The following NOP56 variants were observed in gnomAD, a reference collection of about 807,000 sequenced individuals.
NOP56 encodes the protein NOP56 ribonucleoprotein.
In NOP56, 31 loss-of-function variants were observed where a neutral mutation model predicts 58.3. The ratio of observed to expected loss-of-function variants is 0.53; its 90% CI spans 0.40 to 0.72. NOP56 has a LOEUF of 0.72. Ranked by LOEUF, NOP56 falls within the 30% of genes least tolerant of loss-of-function variation. The pLI, the probability that NOP56 is intolerant of heterozygous loss-of-function variation, is 0.00. For synonymous variants in NOP56, 313 were observed against 282.8 expected, an observed-to-expected ratio of 1.11 and a Z score of -1.07; for missense variants, 669 against 739.9, an observed-to-expected ratio of 0.90 and a Z score of 1.11.
chr20:2,653,011 C>T lies in NOP56; in HGVS notation c.93+80C>T, dbSNP rs917934291. ...TCCCAGCATGCACAGCGCGCTCCCA[C>T]GTGGCCGGCCGAGCGGTTCGGGGCG... On this transcript the variant is annotated intron_variant, in intron 2 of 11. Transcript: ENST00000329276. The T allele has an allele frequency of 8.4e-6, 11 of 1,312,182 alleles. No individual in the cohort carries two copies. The African/African-American group carries it at 1.6e-4, about 19-fold the overall frequency. 81.3% of individuals were successfully genotyped at this position (1,312,182 alleles called of 1,614,324 possible).
rs1246040015 is a variant in NOP56 at position 2,656,404 on chromosome 20, C to T, written c.1014C>T (p.Ala338=). 2.5e-6 allele frequency: 4 copies of T among 1,614,060 alleles called. No individual in the cohort carries two copies. The highest frequency in any genetic ancestry group is 1.1e-5 in the South Asian group (1 of 91,082). The change falls in exon 9 of 12, where the codon GCC becomes GCT. Residue 338 remains alanine (A), a synonymous_variant. Coordinates refer to ENST00000329276, the MANE Select transcript of NOP56 (RefSeq NM_006392.4). ...TCTCCACTGAATATTCTCTCAGAGC[C>T]CTGAAGACAAGGGGTAACACTCCAA... is the stretch of plus-strand genomic sequence containing the variant. ...ILGAEKALFR[A]LKTRGNTPKY... is the part of the protein sequence containing the mutation.
chr20:2,653,463 A>G, intron 3 of NOP56, 70 bp downstream of exon 3: 1 of 1,316,944 alleles, frequency 7.6e-7, no homozygotes, highest in Non-Finnish European at 1.1e-6. Context: ...GCAGCTTGTG[A>G]TAGTATTTGC....
At chr20:2,654,699 G>C in intron 4 of NOP56, 50 bp from the exon 5 acceptor site, 1 of 1,609,540 alleles carries the variant, frequency 6.2e-7, no homozygotes, top group Non-Finnish European at 8.5e-7. Context: ...CCGTGGGTGC[G>C]GGAGCTAGCT....
chr20:2,658,243 G>A lies in NOP56; in HGVS notation c.1734G>A (p.Lys578=), dbSNP rs780689291. Reference sequence around the variant, plus strand: ...GTGGGCCTGAAGAGGCGGTTGGCAAGAGCAGCTCCAAGAAGAAGAAAAAGT... The same window carrying A: ...GTGGGCCTGAAGAGGCGGTTGGCAAAAGCAGCTCCAAGAAGAAGAAAAAGT... ...VSSGPEEAVG[K]SSSKKKKKFH... The change falls in exon 12 of 12, where the codon AAG becomes AAA. Residue 578 remains lysine (K), a synonymous_variant. Transcript: ENST00000329276. 6.3e-7 allele frequency: 1 copy of A among 1,599,056 alleles called. No homozygotes were observed. Among genetic ancestry groups the A allele is most frequent in the South Asian group, 1.1e-5 (1 of 89,300 alleles).
At chr20:2,652,685 C>CGGGGCGCG (rs762886867) in intron 1 of NOP56, 22 bp downstream of exon 1, 20 of 692,390 alleles carry the variant, frequency 2.9e-5, no homozygotes, top group Non-Finnish European at 3.4e-5. Flanking sequence ...TTGCGGGGCG[C>CGGGGCGCG]GGGCGACGCG....
rs1354487476 is a variant in NOP56 at position 2,657,215 on chromosome 20, T to G, written c.1416T>G (p.Cys472Trp). 1 of 1,614,018 alleles carries G rather than the reference T, an allele frequency of 6.2e-7. No individual in the cohort carries two copies. Among genetic ancestry groups the G allele is most frequent in the Non-Finnish European group, 8.5e-7 (1 of 1,180,050 alleles). Residue 472 changes from cysteine to tryptophan, a missense_variant, in exon 11 of 12, where the codon TGT becomes TGG. Transcript: ENST00000329276. Reference sequence around the variant, plus strand: ...ACAGCAGTAGTACTCCAGAGGAGTGTGAGGTCAGTAGGCAGCACGGCCCTG... The same window carrying G: ...ACAGCAGTAGTACTCCAGAGGAGTGGGAGGTCAGTAGGCAGCACGGCCCTG... Reference protein sequence around the residue: ...SENSSSTPEECEEMSEKPKKK... With the variant: ...SENSSSTPEEWEEMSEKPKKK...
chr20:2,658,044 T>C lies in NOP56; in HGVS notation c.1535T>C (p.Phe512Ser). 6.2e-7 allele frequency: 1 copy of C among 1,613,536 alleles called. No individual in the cohort carries two copies. The change falls in exon 12 of 12, where the codon TTT (phenylalanine) becomes TCT (serine). Residue 512 changes from phenylalanine (F) to serine (S), a missense_variant. Coordinates refer to ENST00000329276, the MANE Select transcript of NOP56 (RefSeq NM_006392.4). The part of the protein sequence containing the change: ...SFSKPKKKKS[F>S]SKEELMSSDL... ...TCCAAACCCAAGAAAAAGAAATCTT[T>C]TTCCAAGGAGGAGTTGATGAGTAGC... is the stretch of plus-strand genomic sequence containing the variant.
In NOP56 at chr20:2,652,755, C is replaced by CCA. The variant is rs1227435395; in HGVS notation, c.4-87_4-86insCA. 4 of 511,202 alleles carry CCA rather than the reference C, an allele frequency of 7.8e-6. No individual in the cohort carries two copies. In the East Asian group the frequency reaches 2.1e-4, roughly 27 times the overall value. 31.7% of individuals were successfully genotyped at this position (511,202 alleles called of 1,614,324 possible). On this transcript the variant is annotated intron_variant, in intron 1 of 11. Transcript: ENST00000329276. Reference sequence around the variant, plus strand: ...ACAGGGCCTGGGCCTGGGCCTGGGCCTGCGCCTGCGCCTGCGCCTGCCCTG... The same window carrying CCA: ...ACAGGGCCTGGGCCTGGGCCTGGGCCCATGCGCCTGCGCCTGCGCCTGCCCTG...
intron 11 of NOP56, 130 bp downstream of exon 11, chr20:2,657,348 C>A: frequency 7.9e-7 from 1 of 1,264,264 alleles, no homozygotes; most frequent in Non-Finnish European, 1.1e-6. Flanking sequence ...CCTGAAACAT[C>A]TAAAACTACC....
In NOP56 at chr20:2,655,524, G is replaced by A. The variant is rs555055085; in HGVS notation, c.757+12G>A. 2.5e-5 allele frequency: 40 copies of A among 1,614,114 alleles called. No individual in the cohort carries two copies. In the South Asian group the frequency reaches 3.8e-4, roughly 16 times the overall value. Reference sequence around the variant, plus strand: ...ACGGTCCTCCATGGGTCAGTGCAGAGCCTGGCAACCTGCATAAGGTATGGG... The same window carrying A: ...ACGGTCCTCCATGGGTCAGTGCAGAACCTGGCAACCTGCATAAGGTATGGG... On this transcript the variant is annotated intron_variant, in intron 6 of 11. Coordinates refer to ENST00000329276, the MANE Select transcript of NOP56 (RefSeq NM_006392.4).
Position 2,655,755 on chromosome 20 carries a change from C to CG in NOP56, c.909+9_909+10insG, listed in dbSNP as rs1332357690. On this transcript the variant is annotated intron_variant, in intron 7 of 11. Coordinates refer to ENST00000329276, the MANE Select transcript of NOP56 (RefSeq NM_006392.4). ...CCCTAATTGGGGAAGCGGTGCGTCA[C>CG]AGGGGACTCAAAAATGGGAGAATAA... The CG allele has an allele frequency of 2.5e-6, 4 of 1,614,046 alleles. No individual in the cohort carries two copies. Among genetic ancestry groups the CG allele is most frequent in the Admixed American group, 3.3e-5 (2 of 60,002 alleles).
intron 11 of NOP56, chr20:2,657,508 T>A: frequency 1.6e-6 from 1 of 630,112 alleles, no homozygotes; most frequent in Non-Finnish European, 3.0e-6. Flanking sequence ...ATTCCTGCTC[T>A]GCTTATTATC....
intron 1 of NOP56, 24 bp from the exon 2 acceptor site, chr20:2,652,818 C>T (rs749680939): frequency 6.2e-7 from 1 of 1,603,094 alleles, no homozygotes; most frequent in Non-Finnish European, 8.5e-7. Context: ...TGCGTTGACG[C>T]TCGCGCCCCG....
rs191271763 is a variant in NOP56 at position 2,655,560 on chromosome 20, G to T, written c.758-35G>T. ...TGCATAAGGTATGGGGCTCTAAATAGCTGGCCTCTTGCATTCACACTTGGT... is the reference window on the plus strand; with the variant it reads ...TGCATAAGGTATGGGGCTCTAAATATCTGGCCTCTTGCATTCACACTTGGT... On this transcript the variant is annotated intron_variant, in intron 6 of 11. Coordinates refer to ENST00000329276, the MANE Select transcript of NOP56 (RefSeq NM_006392.4). 321 of 1,614,158 alleles carry T rather than the reference G, an allele frequency of 2.0e-4. 2 individuals carry two copies. The African/African-American group carries it at 3.7e-3, about 19-fold the overall frequency.
In NOP56 at chr20:2,653,268, T is replaced by C; in HGVS notation, c.94-11T>C. 6.2e-7 allele frequency: 1 copy of C among 1,606,702 alleles called. No homozygotes were observed. Among genetic ancestry groups the C allele is most frequent in the Non-Finnish European group, 8.5e-7 (1 of 1,173,320 alleles). On this transcript the variant is annotated splice_polypyrimidine_tract_variant and intron_variant, in intron 2 of 11. Transcript: ENST00000329276. ...AGGGAAGGAAACCACTTAGCCTCTT[T>C]CTCCCCCCAGGTGGAGGAGTCTGTG...
At chr20:2,657,305 T>C in intron 11 of NOP56, 87 bp downstream of exon 11, 1 of 1,584,750 alleles carries the variant, frequency 6.3e-7, no homozygotes, top group Non-Finnish European at 8.7e-7. Flanking sequence ...CAAGCTGTGG[T>C]CTTGAGTCCA....
chr20:2,652,758 C>CCTGGGCCTGGGCCTGGGCCTGGGCCTGG (rs55762518), intron 1 of NOP56, 84 bp from the exon 2 acceptor site: 3 of 1,195,970 alleles, frequency 2.5e-6, no homozygotes, highest in Non-Finnish European at 3.5e-6. Context: ...CCTGGGCCTG[C>CCTGGGCCTGGGCCTGGGCCTGGGCCTGG]GCCTGCGCCT....
At chr20:2,653,504 G>T in intron 3 of NOP56, 111 bp downstream of exon 3, 1 of 802,896 alleles carries the variant, frequency 1.2e-6, no homozygotes, top group Admixed American at 2.0e-5. Context: ...TCTGATAGGC[G>T]TGAGGCAGTA....
At chr20:2,653,241 G>T (rs768643517) in intron 2 of NOP56, 38 bp from the exon 3 acceptor site, 1 of 1,519,828 alleles carries the variant, frequency 6.6e-7, no homozygotes, top group Non-Finnish European at 9.1e-7. Context: ...GAGGCAGGAG[G>T]GAGGGAAGGA....
Sources: gnomAD v4.1 joint callset for allele counts on GRCh38, gnomAD v4.1.1 for gene constraint, MANE v1.5 for transcripts, NCBI Gene and HGNC (gene_info 2026-07-23, HGNC 2026-07-21) for gene names.